The following DLGAP1 variants were observed in gnomAD, a reference collection of about 807,000 sequenced individuals.
The protein encoded by DLGAP1 is disks large-associated protein 1.
A neutral mutation model predicts 90.8 loss-of-function variants in DLGAP1; 11 were observed. The ratio of observed to expected loss-of-function variants is 0.12; its 90% CI spans 0.08 to 0.20. The LOEUF (loss-of-function observed/expected upper bound fraction) is 0.20. Ranked by LOEUF, DLGAP1 falls within the 10% of genes least tolerant of loss-of-function variation. The pLI, the probability that DLGAP1 is intolerant of heterozygous loss-of-function variation, is 1.00. For missense variants in DLGAP1, 1,050 were observed against 1,333.8 expected (o/e 0.79, Z 3.31); for synonymous variants, 558 against 540.7 (o/e 1.03, Z -0.44).
chr18:3,587,886 C>A (rs1375180362), intron 7 of DLGAP1, among the ~76,000 whole-genome samples: 2 of 152,204 alleles, frequency 1.3e-5, no homozygotes, highest in African/African-American at 4.8e-5. Flanking sequence ...ATTCCAGACA[C>A]AGAATGACGT....
intron 1 of DLGAP1, among the ~76,000 whole-genome samples, chr18:4,181,704 T>G (rs8086160): frequency 0.04 from 6,145 of 152,212 alleles, 375 homozygotes; most frequent in African/African-American, 0.13. Flanking sequence ...CTTCTTTTTT[T>G]TTTAAAGTGT....
chr18:3,591,712 A>G (rs1219936427), intron 7 of DLGAP1, among the ~76,000 whole-genome samples: 1 of 152,198 alleles, frequency 6.6e-6, no homozygotes, highest in Non-Finnish European at 1.5e-5. Flanking sequence ...AAAAACAAAA[A>G]ATAAAAATAA....
At chr18:4,190,272 C>T (rs934525250) in intron 1 of DLGAP1, among the ~76,000 whole-genome samples, 1 of 152,010 alleles carries the variant, frequency 6.6e-6, no homozygotes, top group Non-Finnish European at 1.5e-5. Flanking sequence ...TAATAAGCTA[C>T]ATGGTATATA....
At chr18:4,380,711 G>A (rs2082096936) in intron 1 of DLGAP1, among the ~76,000 whole-genome samples, 1 of 152,152 alleles carries the variant, frequency 6.6e-6, no homozygotes, top group South Asian at 2.1e-4. Flanking sequence ...TCATTAATAT[G>A]TTTCCCAGAA....
At chr18:3,758,529 C>T (rs2063812324) in intron 5 of DLGAP1, among the ~76,000 whole-genome samples, 1 of 152,150 alleles carries the variant, frequency 6.6e-6, no homozygotes, top group Non-Finnish European at 1.5e-5. Flanking sequence ...TGAAGCTCTC[C>T]CTAATGCCTG....
chr18:4,086,161 T>A (rs188517964), intron 2 of DLGAP1, among the ~76,000 whole-genome samples: 1 of 152,114 alleles, frequency 6.6e-6, no homozygotes, highest in South Asian at 2.1e-4. Context: ...AAGCATGTGG[T>A]AGGACGGGAG....
At chr18:3,768,663 A>G (rs2064370063) in intron 5 of DLGAP1, among the ~76,000 whole-genome samples, 1 of 152,228 alleles carries the variant, frequency 6.6e-6, no homozygotes, top group South Asian at 2.1e-4. Context: ...GATTACTGAC[A>G]AAAGTGCAAA....
chr18:3,501,021 C>T (rs924920028), intron 12 of DLGAP1, among the ~76,000 whole-genome samples: 1 of 152,004 alleles, frequency 6.6e-6, no homozygotes, highest in Non-Finnish European at 1.5e-5. Context: ...TTCAAGCAAT[C>T]CTCCCACCTC....
At chr18:3,656,927 T>C (rs2059509604) in intron 7 of DLGAP1, among the ~76,000 whole-genome samples, 1 of 152,036 alleles carries the variant, frequency 6.6e-6, no homozygotes, top group Non-Finnish European at 1.5e-5. Context: ...TTTGTATTTT[T>C]AGTAGAAACA....
chr18:3,611,744 C>CA (rs1375672489), intron 7 of DLGAP1, among the ~76,000 whole-genome samples: 2 of 152,108 alleles, frequency 1.3e-5, no homozygotes, highest in East Asian at 3.9e-4. Flanking sequence ...TCAGAAAAGA[C>CA]AAAAAGGAAA....
chr18:4,171,053 T>C (rs950121997), intron 1 of DLGAP1, among the ~76,000 whole-genome samples: 1 of 151,192 alleles, frequency 6.6e-6, no homozygotes, highest in African/African-American at 2.4e-5. Flanking sequence ...ATTATTCATA[T>C]TTTTAAATCC....
At position 3,729,238 on chromosome 18, in the gene DLGAP1, C is replaced by T. The variant is rs201567254; in HGVS notation, c.1488G>A (p.Arg496=). Residue 496 remains arginine, a synonymous_variant, in exon 7 of 13, where the codon CGG becomes CGA. Coordinates refer to ENST00000315677, the MANE Select transcript of DLGAP1 (RefSeq NM_004746.4). This position sits in a 1 kb window ranked among gnomAD's most constrained non-coding sequence, Gnocchi z 6.2. ...CFRMRSHSYV[R]AIEKGCSQDD... ...CCTGGGAGCAGCCTTTCTCAATGGC[C>T]CGCACATAGCTGTGGCTCCGCATGC... is the stretch of plus-strand genomic sequence containing the variant. 1.3e-4 allele frequency: 210 copies of T among 1,613,942 alleles called. No homozygotes were observed. The East Asian group carries it at 4.4e-3, about 34-fold the overall frequency.
intron 1 of DLGAP1, among the ~76,000 whole-genome samples, chr18:4,162,097 G>A (rs915049708): frequency 1.3e-5 from 2 of 152,136 alleles, no homozygotes; most frequent in African/African-American, 4.8e-5. Context: ...TGGAGATAGA[G>A]TAGTAAACAA....
At chr18:4,122,513 A>C (rs2076168845) in intron 2 of DLGAP1, among the ~76,000 whole-genome samples, 1 of 152,216 alleles carries the variant, frequency 6.6e-6, no homozygotes, top group African/African-American at 2.4e-5. Context: ...TCTAACCTCA[A>C]GCTGGCAAGT....
At chr18:4,236,194 T>C (rs1035979999) in intron 1 of DLGAP1, among the ~76,000 whole-genome samples, 3 of 152,304 alleles carry the variant, frequency 2.0e-5, no homozygotes, top group African/African-American at 7.2e-5. Flanking sequence ...ACCTGCCTCA[T>C]AGGATTTTGT....
intron 1 of DLGAP1, among the ~76,000 whole-genome samples, chr18:4,200,613 AT>A (rs1346577281): frequency 9.9e-5 from 15 of 151,302 alleles, no homozygotes; most frequent in Non-Finnish European, 1.9e-4. Flanking sequence ...ATTAAAAAAA[AT>A]ATTGTGAAAA....
chr18:3,567,660 A>C, intron 8 of DLGAP1, 79 bp from the exon 9 acceptor site: 3 of 1,260,730 alleles, frequency 2.4e-6, no homozygotes, highest in Non-Finnish European at 3.5e-6. Flanking sequence ...TTTTATGAGA[A>C]AAATCTCTAA....
chr18:4,105,101 G>A (rs961899361), intron 2 of DLGAP1, among the ~76,000 whole-genome samples: 1 of 152,170 alleles, frequency 6.6e-6, no homozygotes, highest in Non-Finnish European at 1.5e-5. Context: ...CTGCATAAAA[G>A]AAGCCCTGAG....
At chr18:3,548,583 A>G (rs370873954) in intron 9 of DLGAP1, among the ~76,000 whole-genome samples, 23 of 152,186 alleles carry the variant, frequency 1.5e-4, no homozygotes, top group African/African-American at 5.3e-4. Flanking sequence ...CCTGTGCAAC[A>G]TGGTGAAACC....
Sources: gnomAD v4.1 joint callset for allele counts (sites outside exome capture counted in the v4.1 genomes callset) on GRCh38, gnomAD v4.1.1 for gene constraint, Gnocchi (gnomAD v3.1) non-coding constraint, MANE v1.5 for transcripts, NCBI Gene and HGNC (gene_info 2026-07-23, HGNC 2026-07-21) for gene names.